The following LRRTM4 variants were observed in gnomAD, a reference collection of about 807,000 sequenced individuals.
The protein encoded by LRRTM4 is leucine-rich repeat transmembrane neuronal protein 4.
Under a neutral mutation model 47.6 loss-of-function variants are expected in LRRTM4, and 25 were observed. That is an observed-to-expected ratio of 0.53 (90% CI 0.38 to 0.73). The LOEUF (loss-of-function observed/expected upper bound fraction) is 0.73. Among genes scored for constraint, LRRTM4 ranks in the 30% least tolerant of loss-of-function variants. The pLI, the probability that LRRTM4 is intolerant of heterozygous loss-of-function variation, is 0.00. For missense variants in LRRTM4, 638 were observed against 713.4 expected (o/e 0.89, Z 1.20); for synonymous variants, 311 against 269.5 (o/e 1.15, Z -1.51).
intron 3 of LRRTM4, among the ~76,000 whole-genome samples, chr2:76,822,917 A>T (rs1244327288): frequency 6.6e-6 from 1 of 151,444 alleles, no homozygotes; most frequent in Non-Finnish European, 1.5e-5. Context: ...AAAGTAATAA[A>T]ATTATTTCAG....
intron 3 of LRRTM4, among the ~76,000 whole-genome samples, chr2:77,415,270 ACTTCT>A (rs1674594807): frequency 6.6e-6 from 1 of 152,146 alleles, no homozygotes; most frequent in Non-Finnish European, 1.5e-5. Flanking sequence ...CATGTAACAG[ACTTCT>A]CTTAGAGAAA....
At chr2:76,866,262 C>G (rs1573230420) in intron 3 of LRRTM4, among the ~76,000 whole-genome samples, 1 of 152,304 alleles carries the variant, frequency 6.6e-6, no homozygotes, top group African/African-American at 2.4e-5. Flanking sequence ...TATGCACTTT[C>G]ACTGGGGAAC....
intron 3 of LRRTM4, among the ~76,000 whole-genome samples, chr2:77,098,174 T>A (rs1417007564): frequency 6.6e-6 from 1 of 151,506 alleles, no homozygotes; most frequent in Non-Finnish European, 1.5e-5. Flanking sequence ...TGATGCCATT[T>A]AAAAAAAAAT....
chr2:76,844,046 C>T (rs546775292), intron 3 of LRRTM4, among the ~76,000 whole-genome samples: 45 of 151,674 alleles, frequency 3.0e-4, no homozygotes, highest in African/African-American at 9.9e-4. Flanking sequence ...GAACTACAGG[C>T]GCCCACCAGC....
chr2:77,224,831 A>T (rs914932749), intron 3 of LRRTM4, among the ~76,000 whole-genome samples: 5 of 152,154 alleles, frequency 3.3e-5, no homozygotes, highest in African/African-American at 4.8e-5. Context: ...CTAGAACTAG[A>T]AATACCATTT....
At chr2:77,318,153 C>T (rs1426780572) in intron 3 of LRRTM4, among the ~76,000 whole-genome samples, 4 of 151,696 alleles carry the variant, frequency 2.6e-5, no homozygotes, top group East Asian at 3.9e-4. Flanking sequence ...ACTACAGGCG[C>T]CCGCCACCAC....
At chr2:76,776,498 C>T (rs1292256274) in intron 3 of LRRTM4, among the ~76,000 whole-genome samples, 1 of 152,126 alleles carries the variant, frequency 6.6e-6, no homozygotes, top group African/African-American at 2.4e-5. Context: ...TTGCATTTCT[C>T]TGATGGCCAG....
intron 3 of LRRTM4, among the ~76,000 whole-genome samples, chr2:77,429,056 A>C (rs1025073320): frequency 1.3e-5 from 2 of 152,182 alleles, no homozygotes; most frequent in African/African-American, 4.8e-5. Context: ...TTTATAAATA[A>C]CCTAAAAGTG....
At chr2:77,034,922 A>G (rs1678783597) in intron 3 of LRRTM4, among the ~76,000 whole-genome samples, 1 of 151,954 alleles carries the variant, frequency 6.6e-6, no homozygotes. Context: ...TACAGTTCAT[A>G]TATAAAACCC....
At chr2:77,346,137 T>C (rs554827292) in intron 3 of LRRTM4, among the ~76,000 whole-genome samples, 1 of 152,144 alleles carries the variant, frequency 6.6e-6, no homozygotes, top group Non-Finnish European at 1.5e-5. Context: ...GATTCCGTTA[T>C]ATGGCATTCT....
intron 3 of LRRTM4, among the ~76,000 whole-genome samples, chr2:77,132,245 C>A (rs1338446040): frequency 6.6e-6 from 1 of 152,160 alleles, no homozygotes; most frequent in Non-Finnish European, 1.5e-5. Flanking sequence ...CATGTGATAT[C>A]TGTCTTTCTG....
chr2:77,320,505 CCTA>C (rs1677757684), intron 3 of LRRTM4, among the ~76,000 whole-genome samples: 1 of 152,032 alleles, frequency 6.6e-6, no homozygotes, highest in Non-Finnish European at 1.5e-5. Context: ...GTGTTATTTG[CCTA>C]CTTATTTTAA....
At chr2:76,869,165 T>C (rs538263956) in intron 3 of LRRTM4, among the ~76,000 whole-genome samples, 4 of 152,026 alleles carry the variant, frequency 2.6e-5, no homozygotes, top group South Asian at 2.1e-4. Flanking sequence ...AAAAATTAGC[T>C]GGACATGGTG....
At chr2:76,808,237 C>G (rs887458620) in intron 3 of LRRTM4, among the ~76,000 whole-genome samples, 1 of 151,964 alleles carries the variant, frequency 6.6e-6, no homozygotes, top group Non-Finnish European at 1.5e-5. Flanking sequence ...TCAGGCTGGT[C>G]TCGAACTCCT....
intron 3 of LRRTM4, among the ~76,000 whole-genome samples, chr2:77,362,118 A>AAAGAAAGAAAGAAAGG (rs1672242870): frequency 1.0e-5 from 1 of 97,328 alleles, no homozygotes; most frequent in African/African-American, 3.3e-5. Flanking sequence ...AGAAAGAGAG[A>AAAGAAAGAAAGAAAGG]AAGAAAGAAA....
chr2:77,307,568 A>T (rs1328598488), intron 3 of LRRTM4, among the ~76,000 whole-genome samples: 1 of 133,104 alleles, frequency 7.5e-6, no homozygotes, highest in African/African-American at 2.8e-5. Context: ...ATATAAATAT[A>T]TAGATATATC....
intron 3 of LRRTM4, among the ~76,000 whole-genome samples, chr2:77,261,317 T>C (rs536156324): frequency 6.6e-6 from 1 of 152,234 alleles, no homozygotes; most frequent in African/African-American, 2.4e-5. Context: ...CTAGACACGG[T>C]CATATATGCT....
chr2:77,040,201 A>G (rs1050898930), intron 3 of LRRTM4, among the ~76,000 whole-genome samples: 3 of 151,472 alleles, frequency 2.0e-5, no homozygotes, highest in East Asian at 1.9e-4. Flanking sequence ...TAATTAAAAT[A>G]TAATTGTTCT....
At chr2:77,142,392 C>T (rs1283877662) in intron 3 of LRRTM4, among the ~76,000 whole-genome samples, 1 of 150,646 alleles carries the variant, frequency 6.6e-6, no homozygotes, top group African/African-American at 2.5e-5. Flanking sequence ...CCTAATGAGC[C>T]ATTCACCTTT....
Sources: gnomAD v4.1 joint callset for allele counts (sites outside exome capture counted in the v4.1 genomes callset) on GRCh38, gnomAD v4.1.1 for gene constraint, MANE v1.5 for transcripts, NCBI Gene and HGNC (gene_info 2026-07-23, HGNC 2026-07-21) for gene names.